COG3: variants seen among roughly 807,000 people sequenced by gnomAD.
COG3 encodes component of oligomeric golgi complex 3.
In COG3, 32 loss-of-function variants were observed where a neutral mutation model predicts 114.1. The observed-to-expected ratio is 0.28, with a 90% CI of 0.21 to 0.38. The LOEUF (loss-of-function observed/expected upper bound fraction) is 0.38, where lower values mean the gene tolerates loss of function less well. Among genes scored for constraint, COG3 ranks in the 10% least tolerant of loss-of-function variants. The pLI, the probability that COG3 is intolerant of heterozygous loss-of-function variation, is 1.00. For synonymous variants in COG3, 352 were observed against 365.7 expected, an observed-to-expected ratio of 0.96 and a Z score of 0.43; for missense variants, 813 against 973.2, an observed-to-expected ratio of 0.84 and a Z score of 2.19.
At chr13:45,476,037 T>C (rs1475533735) in intron 1 of COG3, among the ~76,000 whole-genome samples, 164 bp from the exon 2 acceptor site, 1 of 152,124 alleles carries the variant, frequency 6.6e-6, no homozygotes, top group East Asian at 1.9e-4. Context: ...GCATTTAATA[T>C]AGAGCCTAAA....
At chr13:45,502,785 CTT>C (rs1869687852) in intron 13 of COG3, among the ~76,000 whole-genome samples, 1 of 152,166 alleles carries the variant, frequency 6.6e-6, no homozygotes, top group South Asian at 2.1e-4. Context: ...GCCTCCCAGT[CTT>C]TGCCCCGGAA....
At chr13:45,519,547 T>A (rs1466636347) in intron 19 of COG3, among the ~76,000 whole-genome samples, 1 of 152,232 alleles carries the variant, frequency 6.6e-6, no homozygotes, top group African/African-American at 2.4e-5. Flanking sequence ...ACTGAAGACT[T>A]TTATAACATA....
chr13:45,476,448 AATTAAC>A (rs1885868110), intron 2 of COG3, 101 bp downstream of exon 2: 12 of 1,173,426 alleles, frequency 1.0e-5, no homozygotes, highest in South Asian at 4.2e-5. Flanking sequence ...TTGTCACCAT[AATTAAC>A]ATTAAGTCTT....
At chr13:45,513,448 T>C (rs12856469) in intron 16 of COG3, among the ~76,000 whole-genome samples, 31,305 of 40,828 alleles carry the variant, frequency 0.77, 12,035 homozygotes, top group Admixed American at 0.83. Flanking sequence ...ACATATAAAT[T>C]ATATATATAA....
At chr13:45,488,963 G>A (rs1041427072) in intron 8 of COG3, among the ~76,000 whole-genome samples, 5 of 151,688 alleles carry the variant, frequency 3.3e-5, no homozygotes, top group African/African-American at 4.8e-5. Flanking sequence ...CAAGGAGGGC[G>A]GATCCCTTGA....
chr13:45,487,510 T>C (rs1368554535), intron 8 of COG3, among the ~76,000 whole-genome samples: 2 of 152,218 alleles, frequency 1.3e-5, no homozygotes, highest in Non-Finnish European at 2.9e-5. Flanking sequence ...GGGACTAATA[T>C]TCAGAATATA....
chr13:45,487,679 C>G (rs566067483), intron 8 of COG3, among the ~76,000 whole-genome samples: 6 of 152,160 alleles, frequency 3.9e-5, no homozygotes, highest in African/African-American at 1.4e-4. Context: ...ATCAAAACCA[C>G]AGTGAGATGT....
intron 1 of COG3, among the ~76,000 whole-genome samples, chr13:45,469,448 G>C (rs1210323789): frequency 1.3e-5 from 2 of 152,100 alleles, no homozygotes; most frequent in Non-Finnish European, 2.9e-5. Flanking sequence ...CTGAAAGTTG[G>C]GCATATTTAT....
Position 45,493,486 on chromosome 13 carries a change from G to GGCT in COG3, c.1327+1_1327+2insCTG. On this transcript the variant is annotated protein_altering_variant and splice_region_variant. Transcript: ENST00000349995. ...GCTTGAAGATCATGTGCAGAACAATGGTAAATGAGTAGAAATGATCATTTT... is the reference window on the plus strand; with the variant it reads ...GCTTGAAGATCATGTGCAGAACAATGGCTGTAAATGAGTAGAAATGATCATTTT... The GGCT allele has an allele frequency of 6.2e-7, 1 of 1,610,240 alleles. No individual in the cohort carries two copies. The highest frequency in any genetic ancestry group is 1.1e-5 in the South Asian group (1 of 90,462).
At chr13:45,515,399 C>G (rs769913047) in intron 16 of COG3, among the ~76,000 whole-genome samples, 4 of 152,140 alleles carry the variant, frequency 2.6e-5, no homozygotes, top group Non-Finnish European at 4.4e-5. Context: ...GCAATATTTT[C>G]AAAATAAGAT....
At chr13:45,489,121 A>G (rs910681467) in intron 8 of COG3, among the ~76,000 whole-genome samples, 11 of 148,866 alleles carry the variant, frequency 7.4e-5, no homozygotes, top group Non-Finnish European at 3.0e-5. Flanking sequence ...CAGGAAGTCA[A>G]GGATGCAGTG....
chr13:45,482,271 TAA>T, intron 5 of COG3, 108 bp from the exon 6 acceptor site: 4 of 523,590 alleles, frequency 7.6e-6, no homozygotes, highest in Non-Finnish European at 1.3e-5. Flanking sequence ...AAATTTATTA[TAA>T]AGACATGTTA....
chr13:45,524,932 C>A, intron 19 of COG3, 44 bp from the exon 20 acceptor site: 1 of 1,481,400 alleles, frequency 6.8e-7, no homozygotes, highest in South Asian at 1.2e-5. Context: ...TTTAATTTGT[C>A]ATTGATGAAA....
intron 19 of COG3, among the ~76,000 whole-genome samples, chr13:45,520,290 A>T (rs997934675): frequency 7.7e-6 from 1 of 130,426 alleles, no homozygotes; most frequent in African/African-American, 2.9e-5. Context: ...TGTCTCAAAA[A>T]AAAAATAAAA....
At chr13:45,481,359 C>A in intron 5 of COG3, 55 bp downstream of exon 5, 1 of 943,334 alleles carries the variant, frequency 1.1e-6, no homozygotes, top group Non-Finnish European at 1.7e-6. Context: ...TTATTTTTGC[C>A]TTTCTTCGTG....
chr13:45,529,984 A>ATTTTCC (rs1302058669), intron 21 of COG3, 66 bp downstream of exon 21: 198 of 1,528,012 alleles, frequency 1.3e-4, no homozygotes, highest in Admixed American at 2.3e-4. Flanking sequence ...CTCATTTACC[A>ATTTTCC]TTTTCCTTTT....
intron 20 of COG3, among the ~76,000 whole-genome samples, chr13:45,525,264 T>G (rs1390867122): frequency 6.6e-6 from 1 of 152,172 alleles, no homozygotes; most frequent in Admixed American, 6.5e-5. Flanking sequence ...AGAATTTTTT[T>G]TTTTTTAAAT....
At chr13:45,515,599 G>A (rs1871455966) in intron 16 of COG3, among the ~76,000 whole-genome samples, 1 of 152,232 alleles carries the variant, frequency 6.6e-6, no homozygotes, top group South Asian at 2.1e-4. Flanking sequence ...TGGACCTTCA[G>A]GGATGTGGGT....
chr13:45,514,297 A>T (rs1302760460), intron 16 of COG3, among the ~76,000 whole-genome samples: 1 of 151,148 alleles, frequency 6.6e-6, no homozygotes, highest in East Asian at 2.0e-4. Flanking sequence ...AGTAGCTGGG[A>T]TTACAGGTGT....
Sources: gnomAD v4.1 joint callset for allele counts (sites outside exome capture counted in the v4.1 genomes callset) on GRCh38, gnomAD v4.1.1 for gene constraint, MANE v1.5 for transcripts, NCBI Gene and HGNC (gene_info 2026-07-23, HGNC 2026-07-21) for gene names.